FIRRM: variants seen among roughly 807,000 people sequenced by gnomAD.
The protein encoded by FIRRM is FIGNL1 interacting regulator of recombination and mitosis, also known as FIGNL1-interacting regulator of recombination and mitosis.
the FIRRM span, among the ~76,000 whole-genome samples, chr1:169,807,595 A>G: frequency 6.6e-6 from 1 of 152,232 alleles, no homozygotes; most frequent in East Asian, 1.9e-4. Flanking sequence ...TTTTACACAG[A>G]GAAAAAATTA....
chr1:169,834,634 A>G, the FIRRM span, among the ~76,000 whole-genome samples: 16 of 152,282 alleles, frequency 1.1e-4, no homozygotes, highest in Admixed American at 9.8e-4. Flanking sequence ...TGAAGAAACA[A>G]TAGCTCGAGG....
chr1:169,792,462 C>G, the FIRRM span: 9 of 1,007,248 alleles, frequency 8.9e-6, no homozygotes, highest in African/African-American at 1.7e-5. Flanking sequence ...TTTGGATAAA[C>G]AAAACTAAAC....
the FIRRM span, chr1:169,832,403 A>T: frequency 5.0e-6 from 8 of 1,584,248 alleles, no homozygotes; most frequent in African/African-American, 1.3e-5. Context: ...TCTCTCTCTC[A>T]TGTCTTTTTC....
chr1:169,834,410 A>G, the FIRRM span, among the ~76,000 whole-genome samples: 1 of 152,220 alleles, frequency 6.6e-6, no homozygotes, highest in Non-Finnish European at 1.5e-5. Context: ...GAAACTTGAT[A>G]AGATACACAT....
At chr1:169,803,370 A>G in the FIRRM span, 2 of 1,439,992 alleles carry the variant, frequency 1.4e-6, no homozygotes, top group Non-Finnish European at 1.9e-6. Flanking sequence ...GGGGCTGAGT[A>G]AAATAATGTT....
the FIRRM span, among the ~76,000 whole-genome samples, chr1:169,848,993 AAACT>A: frequency 2.0e-5 from 3 of 152,248 alleles, no homozygotes; most frequent in Non-Finnish European, 4.4e-5. Context: ...GTAATGAACC[AAACT>A]AATAAATCCC....
At chr1:169,799,047 G>C in the FIRRM span, 2 of 475,880 alleles carry the variant, frequency 4.2e-6, no homozygotes, top group Non-Finnish European at 7.4e-6. Flanking sequence ...TTACAGTTTT[G>C]TATTCCCTTG....
At chr1:169,852,352 C>T in the FIRRM span, 1 of 274,308 alleles carries the variant, frequency 3.6e-6, no homozygotes, top group South Asian at 4.3e-5. Flanking sequence ...CAGAATTTGA[C>T]ACCAATAAGG....
At chr1:169,826,061 AT>A in the FIRRM span, 4 of 290,536 alleles carry the variant, frequency 1.4e-5, no homozygotes, top group Admixed American at 3.4e-5. Context: ...CATTCTGCCT[AT>A]TTTAAAACAA....
At chr1:169,815,392 T>A in the FIRRM span, among the ~76,000 whole-genome samples, 1 of 152,108 alleles carries the variant, frequency 6.6e-6, no homozygotes, top group Non-Finnish European at 1.5e-5. Context: ...ATTTCCTGAT[T>A]TATATGCTAA....
chr1:169,843,524 C>T, the FIRRM span: 192 of 588,784 alleles, frequency 3.3e-4, no homozygotes, highest in African/African-American at 3.1e-3. Flanking sequence ...ATATCTACCT[C>T]ATAGAGCTGT....
the FIRRM span, chr1:169,795,259 G>C: frequency 6.6e-7 from 1 of 1,521,804 alleles, no homozygotes. Context: ...GGGTGTGGGC[G>C]GGTCGCGAAC....
chr1:169,833,685 C>T, the FIRRM span, among the ~76,000 whole-genome samples: 1 of 152,090 alleles, frequency 6.6e-6, no homozygotes, highest in Non-Finnish European at 1.5e-5. Flanking sequence ...AGGTACTACA[C>T]CTACCTCTTA....
the FIRRM span, chr1:169,842,432 G>C: frequency 3.7e-6 from 6 of 1,613,788 alleles, no homozygotes; most frequent in East Asian, 1.3e-4. Context: ...AGTACTGTCT[G>C]CTTTGCTTGC....
chr1:169,840,439 C>G, the FIRRM span, among the ~76,000 whole-genome samples: 622 of 151,464 alleles, frequency 4.1e-3, 5 homozygotes, highest in African/African-American at 0.013. Context: ...GATCTTTCAC[C>G]TCCTTGGTTA....
the FIRRM span, chr1:169,802,611 GT>G: frequency 6.3e-7 from 1 of 1,579,370 alleles, no homozygotes; most frequent in Non-Finnish European, 8.7e-7. Flanking sequence ...TACTTGATTT[GT>G]TTTTACAGAC....
the FIRRM span, among the ~76,000 whole-genome samples, chr1:169,847,316 A>T: frequency 3.8e-4 from 6 of 15,758 alleles, no homozygotes; most frequent in East Asian, 1.8e-3. Context: ...ATATTTCTAA[A>T]AAAAAAAAAA....
the FIRRM span, among the ~76,000 whole-genome samples, chr1:169,821,943 G>A: frequency 6.6e-6 from 1 of 151,992 alleles, no homozygotes; most frequent in African/African-American, 2.4e-5. Context: ...TTTATGGTTA[G>A]ACTATGTCTT....
chr1:169,817,079 T>TG, the FIRRM span, among the ~76,000 whole-genome samples: 1 of 151,896 alleles, frequency 6.6e-6, no homozygotes, highest in Non-Finnish European at 1.5e-5. Flanking sequence ...TTCTTGACTC[T>TG]GAAAAATAAA....
Sources: gnomAD v4.1 joint callset for allele counts (sites outside exome capture counted in the v4.1 genomes callset) on GRCh38, gnomAD v4.1.1 for gene constraint, MANE v1.5 for transcripts, NCBI Gene and HGNC (gene_info 2026-07-23, HGNC 2026-07-21) for gene names.